NFE2: variants seen among roughly 807,000 people sequenced by gnomAD.
NFE2 encodes the protein nuclear factor, erythroid 2.
NFE2 carries 13 observed loss-of-function variants against 25.8 expected under a neutral mutation model. That is an observed-to-expected ratio of 0.50 (90% CI 0.33 to 0.80). The LOEUF is 0.80. Among genes scored for constraint, NFE2 ranks in the 30% least tolerant of loss-of-function variants. NFE2 has a pLI of 0.02. For synonymous variants in NFE2, 204 were observed against 200.2 expected (o/e 1.02, Z -0.16); for missense variants, 382 against 478.9 (o/e 0.80, Z 1.89).
intron 1 of NFE2, chr12:54,297,721 T>C (rs908273980): frequency 7.2e-6 from 1 of 137,936 alleles, no homozygotes; most frequent in East Asian, 2.1e-4. Flanking sequence ...GGACAGAGGA[T>C]AGGATTGTAT....
intron 1 of NFE2, among the ~76,000 whole-genome samples, chr12:54,296,684 C>A (rs769017380): frequency 9.9e-5 from 15 of 152,156 alleles, no homozygotes; most frequent in Non-Finnish European, 1.5e-4. Context: ...ACACTGCCCT[C>A]CAGTCCCTTT....
chr12:54,295,180 C>T lies in NFE2; in HGVS notation c.69G>A (p.Glu23=), dbSNP rs1274590804. 4 of 1,614,150 alleles carry T rather than the reference C, an allele frequency of 2.5e-6. No homozygotes were observed. The highest frequency in any genetic ancestry group is 3.4e-6 in the Non-Finnish European group (4 of 1,180,006). The change falls in exon 2 of 3, where the codon GAG becomes GAA. Residue 23 remains glutamate, a synonymous_variant. Transcript: ENST00000435572. The part of the protein sequence containing the change: ...VIQLSTSELG[E]MELTWQEIMS... The stretch of plus-strand genomic sequence containing the variant: ...TGATCTCCTGCCAAGTCAGTTCCAT[C>T]TCTCCTAGCTCTGAAGTGGACAGCT...
At chr12:54,294,767 A>C (rs1420658861) in intron 2 of NFE2, among the ~76,000 whole-genome samples, 1 of 152,142 alleles carries the variant, frequency 6.6e-6, no homozygotes, top group African/African-American at 2.4e-5. Context: ...AAACGGGCCC[A>C]GTTGCCAAGG....
At chr12:54,298,410 G>A (rs1374630631) in intron 1 of NFE2, among the ~76,000 whole-genome samples, 1 of 151,570 alleles carries the variant, frequency 6.6e-6, no homozygotes, top group East Asian at 1.9e-4. Context: ...GGGGGGATGA[G>A]GTGGGAGAAT....
rs750413645 is a variant in NFE2 at position 54,292,624 on chromosome 12, A to G, written c.872T>C (p.Ile291Thr). Residue 291 changes from isoleucine to threonine, a missense_variant, in exon 3 of 3, where the codon ATT (isoleucine) becomes ACT (threonine). Physicochemically the swap from Ile to Thr is moderately conservative, Grantham distance 89 (BLOSUM62 -1). Transcript: ENST00000435572. ...CTCCAGCTCCCGCTCCAGCTGCACA[A>G]TGGTTTCCAGCTTCCTCTTGCGGCA... ...QNCRKRKLET[I>T]VQLERELERL... 7 of 1,614,120 alleles carry G rather than the reference A, an allele frequency of 4.3e-6. No individual in the cohort carries two copies. The highest frequency in any genetic ancestry group is 3.3e-4 in the Middle Eastern group (2 of 6,062).
chr12:54,295,135 C>T lies in NFE2; in HGVS notation c.114G>A (p.Gln38=). 6.2e-7 allele frequency: 1 copy of T among 1,613,756 alleles called. No individual in the cohort carries two copies. Among genetic ancestry groups the T allele is most frequent in the Non-Finnish European group, 8.5e-7 (1 of 1,179,720 alleles). The change falls in exon 2 of 3, where the codon CAG becomes CAA. Residue 38 remains glutamine (Q), a splice_region_variant and synonymous_variant. Transcript: ENST00000435572. ...WQEIMSITEL[Q]GLNAPSEPSF... is the part of the protein sequence containing the mutation. ...CCCTGCCCTATCCCCCCTTACTCAC[C>T]TGCAGCTCGGTGATGGACATGATCT... is the stretch of plus-strand genomic sequence containing the variant.
At chr12:54,299,876 C>T (rs927756572) in intron 1 of NFE2, among the ~76,000 whole-genome samples, 1 of 151,834 alleles carries the variant, frequency 6.6e-6, no homozygotes, top group Non-Finnish European at 1.5e-5. Flanking sequence ...ATTGGTTAAC[C>T]GGTAAGCAAC....
Position 54,292,875 on chromosome 12 carries a change from G to T in NFE2, c.621C>A (p.Pro207=). ...PAAETPLALE[P]SSGPVRAKPT... ...GCTTAGCCCGCACAGGGCCTGAGGA[G>T]GGCTCTAAGGCCAAGGGGGTCTCAG... The change falls in exon 3 of 3, where the codon CCC becomes CCA. Residue 207 remains proline (P), a synonymous_variant. Coordinates refer to ENST00000435572, the MANE Select transcript of NFE2 (RefSeq NM_001136023.3). The T allele has an allele frequency of 6.2e-7, 1 of 1,613,760 alleles. No individual in the cohort carries two copies. The highest frequency in any genetic ancestry group is 8.5e-7 in the Non-Finnish European group (1 of 1,179,704).
chr12:54,292,609 C>A lies in NFE2; in HGVS notation c.887G>T (p.Arg296Leu). ...TTCATTGGTCAGCCGCTCCAGCTCC[C>A]GCTCCAGCTGCACAATGGTTTCCAG... is the stretch of plus-strand genomic sequence containing the variant. ...RKLETIVQLE[R>L]ELERLTNERE... Residue 296 changes from arginine (R) to leucine (L), a missense_variant, in exon 3 of 3, where the codon CGG becomes CTG. Arg to Leu is a moderately radical substitution (Grantham distance 102). Coordinates refer to ENST00000435572, the MANE Select transcript of NFE2 (RefSeq NM_001136023.3). The A allele has an allele frequency of 6.2e-7, 1 of 1,614,192 alleles. No homozygotes were observed. The highest frequency in any genetic ancestry group is 1.3e-5 in the African/African-American group (1 of 75,048).
intron 2 of NFE2, among the ~76,000 whole-genome samples, chr12:54,294,521 C>T (rs539643337): frequency 2.1e-4 from 32 of 152,226 alleles, no homozygotes; most frequent in Admixed American, 6.5e-5. Context: ...CAAGCTCTGC[C>T]TTCTCCTCTT....
In NFE2 at chr12:54,299,503, C is replaced by T. The variant is rs1944403259; in HGVS notation, c.-57+1298G>A. The stretch of plus-strand genomic sequence containing the variant: ...TGGGTTGTCTGTTCCTTCTCTTACT[C>T]CCCAACATTATGGATTAGGTAGAAA... On this transcript the variant is annotated intron_variant, in intron 1 of 2. Transcript: ENST00000435572. Among the ~76,000 whole-genome samples the T allele has an allele frequency of 2.6e-5, 4 of 152,190 alleles. No homozygotes were observed. The South Asian group carries it at 8.3e-4, about 31-fold the overall frequency.
chr12:54,296,217 G>A (rs1477814269), intron 1 of NFE2, among the ~76,000 whole-genome samples: 1 of 151,988 alleles, frequency 6.6e-6, no homozygotes, highest in East Asian at 1.9e-4. Context: ...GACCAGCCTG[G>A]CCAACATGGA....
rs765506125 is a variant in NFE2, at chr12:54,292,963, A to G, written c.533T>C (p.Val178Ala). 5 of 1,576,854 alleles carry G rather than the reference A, an allele frequency of 3.2e-6. No individual in the cohort carries two copies. The highest frequency in any genetic ancestry group is 4.3e-6 in the Non-Finnish European group (5 of 1,160,422). The change falls in exon 3 of 3, where the codon GTG becomes GCG. Residue 178 changes from valine to alanine, a missense_variant. By Grantham distance (64) the Val-to-Ala change is moderately conservative. Transcript: ENST00000435572. ...RRSEYVEMYP[V>A]EYPYSLMPNS... ...GGGCATGAGTGAGTAGGGGTACTCC[A>G]CTGGGTACATCTCTACATATTCGCT... is the stretch of plus-strand genomic sequence containing the variant.
rs192902585 is a variant in NFE2, at chr12:54,300,208, T to C, written c.-57+593A>G. The C allele has an allele frequency of 6.6e-5, 10 of 152,350 alleles. No individual in the cohort carries two copies. In the East Asian group the frequency reaches 1.9e-3, roughly 29 times the overall value. 9.4% of individuals were successfully genotyped at this position (152,350 alleles called of 1,614,324 possible). On this transcript the variant is annotated intron_variant, in intron 1 of 2. Coordinates refer to ENST00000435572, the MANE Select transcript of NFE2 (RefSeq NM_001136023.3). Reference sequence around the variant, plus strand: ...TTTCCCAAGCAGCCAAGAGTTCCAGTTAGAAGCAACTATGCTGGGGTTGGG... The same window carrying C: ...TTTCCCAAGCAGCCAAGAGTTCCAGCTAGAAGCAACTATGCTGGGGTTGGG...
At position 54,300,821 on chromosome 12, in the gene NFE2, G is replaced by T. The variant is rs1944417851; in HGVS notation, c.-77C>A. On this transcript the variant is annotated 5_prime_UTR_variant, in exon 1 of 3. Coordinates refer to ENST00000435572, the MANE Select transcript of NFE2 (RefSeq NM_001136023.3). ...GGCACCTGTGGTGGAGTCACAGCAG[G>T]GTGAGGAGAGAGATGAGGCTCCCGG... 1 of 152,134 alleles carries T rather than the reference G, an allele frequency of 6.6e-6. No homozygotes were observed. The highest frequency in any genetic ancestry group is 1.5e-5 in the Non-Finnish European group (1 of 68,076). 9.4% of individuals were successfully genotyped at this position (152,134 alleles called of 1,614,324 possible).
At position 54,292,598 on chromosome 12, in the gene NFE2, G is replaced by A. The variant is rs764157327; in HGVS notation, c.898C>T (p.Arg300Trp). ...AGCCGCTCCCGTTCATTGGTCAGCC[G>A]CTCCAGCTCCCGCTCCAGCTGCACA... is the stretch of plus-strand genomic sequence containing the variant. ...TIVQLERELERLTNERERLLR... is the reference protein window; with the variant it reads ...TIVQLERELEWLTNERERLLR... The change falls in exon 3 of 3, where the codon CGG becomes TGG. Residue 300 changes from arginine to tryptophan, a missense_variant. Coordinates refer to ENST00000435572, the MANE Select transcript of NFE2 (RefSeq NM_001136023.3). The A allele has an allele frequency of 8.7e-6, 14 of 1,614,110 alleles. No individual in the cohort carries two copies. The highest frequency in any genetic ancestry group is 1.1e-5 in the South Asian group (1 of 91,088).
At chr12:54,297,620 C>G (rs1454051585) in intron 1 of NFE2, 1 of 135,720 alleles carries the variant, frequency 7.4e-6, no homozygotes, top group African/African-American at 2.8e-5. Flanking sequence ...GAGCTAAGAT[C>G]GCACCACTGC....
chr12:54,297,745 A>C (rs1158908957), intron 1 of NFE2: 1 of 151,868 alleles, frequency 6.6e-6, no homozygotes, highest in African/African-American at 2.4e-5. Context: ...CTCAAATTGC[A>C]TGACCTTAGA....
At chr12:54,297,356 C>CAAAAAAAAAAAAAAAAAAAAAAAA (rs35611028) in intron 1 of NFE2, among the ~76,000 whole-genome samples, 1 of 50,014 alleles carries the variant, frequency 2.0e-5, no homozygotes, top group Admixed American at 2.5e-4. Context: ...GACCCTGTCT[C>CAAAAAAAAAAAAAAAAAAAAAAAA]AAAAAAAAAA....
Sources: allele counts gnomAD v4.1 joint callset (sites outside exome capture counted in the v4.1 genomes callset), GRCh38; gene constraint gnomAD v4.1.1; transcripts MANE v1.5; gene names NCBI Gene and HGNC (gene_info 2026-07-23, HGNC 2026-07-21).